ANKRD44: variants seen among roughly 807,000 people sequenced by gnomAD.
ANKRD44 encodes serine/threonine-protein phosphatase 6 regulatory ankyrin repeat subunit B.
In ANKRD44, 35 loss-of-function variants were observed where a neutral mutation model predicts 116.0. The observed-to-expected ratio is 0.30, with a 90% CI of 0.23 to 0.40. ANKRD44 has a LOEUF of 0.40. ANKRD44 is among the 10% of genes least tolerant of loss of function. The pLI is 1.00. For missense variants in ANKRD44, 1,014 were observed against 1,242.6 expected (o/e 0.82, Z 2.77); for synonymous variants, 435 against 461.8 (o/e 0.94, Z 0.74).
rs534479764 is a variant in ANKRD44 at position 197,057,538 on chromosome 2, T to C, written c.1650+21165A>G. Reference sequence around the variant, plus strand: ...GAACGTTATAATCTTCTGAAACTTGTCCATATTGATCCAACCATATAACAG... The same window carrying C: ...GAACGTTATAATCTTCTGAAACTTGCCCATATTGATCCAACCATATAACAG... On this transcript the variant is annotated intron_variant, in intron 16 of 27. Transcript: ENST00000282272. Among the ~76,000 whole-genome samples the C allele has an allele frequency of 7.8e-4, 119 of 152,302 alleles. No homozygotes were observed. In the South Asian group the frequency reaches 0.023, roughly 30 times the overall value.
chr2:197,151,363 A>G (rs1383739582), intron 2 of ANKRD44, among the ~76,000 whole-genome samples: 2 of 152,260 alleles, frequency 1.3e-5, no homozygotes, highest in Non-Finnish European at 2.9e-5. Flanking sequence ...CAGAAGAATG[A>G]GATGGAGAAC....
intron 1 of ANKRD44, among the ~76,000 whole-genome samples, chr2:197,279,686 C>G (rs780051792): frequency 6.6e-6 from 1 of 152,144 alleles, no homozygotes; most frequent in Non-Finnish European, 1.5e-5. Flanking sequence ...TGTCCTACTA[C>G]GAGACATTTA....
intron 8 of ANKRD44, among the ~76,000 whole-genome samples, chr2:197,111,704 TA>T (rs5837524): frequency 0.88 from 131,327 of 148,396 alleles, 58,310 homozygotes; most frequent in East Asian, 1. Context: ...TAATTCCATT[TA>T]AAAAAAAAAT....
chr2:197,162,690 G>C (rs149957240), intron 2 of ANKRD44, among the ~76,000 whole-genome samples: 424 of 152,242 alleles, frequency 2.8e-3, no homozygotes, highest in East Asian at 0.016. Flanking sequence ...TCTCCACCCT[G>C]CATCCCCTCC....
At chr2:197,189,884 G>A (rs1386099352) in intron 1 of ANKRD44, among the ~76,000 whole-genome samples, 1 of 152,066 alleles carries the variant, frequency 6.6e-6, no homozygotes. Flanking sequence ...GCGAGTGTAC[G>A]GAATACATAC....
chr2:197,044,742 A>T (rs2076971489), intron 16 of ANKRD44, among the ~76,000 whole-genome samples: 1 of 152,176 alleles, frequency 6.6e-6, no homozygotes, highest in Admixed American at 6.5e-5. Context: ...CACACCAAGC[A>T]CAAACTGAGA....
At chr2:197,221,913 TC>T (rs1238859759) in intron 1 of ANKRD44, among the ~76,000 whole-genome samples, 1 of 152,100 alleles carries the variant, frequency 6.6e-6, no homozygotes, top group Non-Finnish European at 1.5e-5. Context: ...TCTGGGCTCT[TC>T]CCCCTCTTGG....
intron 3 of ANKRD44, among the ~76,000 whole-genome samples, chr2:197,138,506 T>G (rs1271593014): frequency 6.6e-6 from 1 of 152,212 alleles, no homozygotes; most frequent in East Asian, 1.9e-4. Context: ...TCAGATTTCT[T>G]CTTCTAAATA....
chr2:197,067,971 AC>A (rs1463212914), intron 16 of ANKRD44, among the ~76,000 whole-genome samples: 1 of 151,618 alleles, frequency 6.6e-6, no homozygotes, highest in African/African-American at 2.4e-5. Context: ...CAAATGTCCG[AC>A]AATGATAGAC....
At chr2:197,308,825 C>A (rs750761367) in intron 1 of ANKRD44, among the ~76,000 whole-genome samples, 14 of 152,288 alleles carry the variant, frequency 9.2e-5, no homozygotes, top group Admixed American at 2.6e-4. Context: ...TTTCTTGTAA[C>A]CCTTACAACA....
intron 1 of ANKRD44, among the ~76,000 whole-genome samples, chr2:197,261,945 C>A (rs149500158): frequency 6.6e-6 from 1 of 152,112 alleles, no homozygotes; most frequent in African/African-American, 2.4e-5. Context: ...TTCTGTGTGA[C>A]GGGACAAGAG....
chr2:197,079,166 A>T (rs747199340), intron 15 of ANKRD44, among the ~76,000 whole-genome samples: 55 of 152,160 alleles, frequency 3.6e-4, no homozygotes, highest in Non-Finnish European at 6.8e-4. Context: ...TGTTCAACAA[A>T]GTCTCAATAA....
At chr2:197,172,589 TTTTG>T (rs1056453003) in intron 2 of ANKRD44, among the ~76,000 whole-genome samples, 13 of 152,116 alleles carry the variant, frequency 8.5e-5, no homozygotes, top group Non-Finnish European at 1.9e-4. Flanking sequence ...ATTCATCTTA[TTTTG>T]TTTGTTTGAG....
intron 2 of ANKRD44, among the ~76,000 whole-genome samples, chr2:197,164,574 G>A (rs909258896): frequency 1.3e-5 from 2 of 152,174 alleles, no homozygotes; most frequent in Non-Finnish European, 2.9e-5. Flanking sequence ...TCGGAGCCGG[G>A]AGCATGCGCG....
intron 1 of ANKRD44, among the ~76,000 whole-genome samples, chr2:197,220,208 C>T (rs1479265402): frequency 6.6e-6 from 1 of 152,142 alleles, no homozygotes; most frequent in Admixed American, 6.6e-5. Flanking sequence ...TTTATTTCTT[C>T]TTTACCATGT....
At chr2:197,244,389 A>C (rs73067345) in intron 1 of ANKRD44, among the ~76,000 whole-genome samples, 1 of 152,212 alleles carries the variant, frequency 6.6e-6, no homozygotes, top group African/African-American at 2.4e-5. Flanking sequence ...ATGTGTCATC[A>C]GCCTCCAGAC....
chr2:196,974,241 CCTGA>C (rs1261910495), intron 21 of ANKRD44, among the ~76,000 whole-genome samples: 2 of 152,026 alleles, frequency 1.3e-5, no homozygotes, highest in African/African-American at 2.4e-5. Flanking sequence ...CACCACCATG[CCTGA>C]CTAATTTCTG....
At chr2:197,163,357 T>C (rs1180271096) in intron 2 of ANKRD44, among the ~76,000 whole-genome samples, 1 of 152,182 alleles carries the variant, frequency 6.6e-6, no homozygotes, top group African/African-American at 2.4e-5. Flanking sequence ...CCTGCAATAA[T>C]CCTTAGAGAG....
intron 1 of ANKRD44, among the ~76,000 whole-genome samples, chr2:197,204,594 T>C (rs1338653085): frequency 6.6e-6 from 1 of 152,100 alleles, no homozygotes; most frequent in Non-Finnish European, 1.5e-5. Context: ...TGGCTCCAGA[T>C]CTTTTGAGTT....
Sources: allele counts gnomAD v4.1 joint callset (sites outside exome capture counted in the v4.1 genomes callset), GRCh38; gene constraint gnomAD v4.1.1; transcripts MANE v1.5; gene names NCBI Gene and HGNC (gene_info 2026-07-23, HGNC 2026-07-21).